The following CTNNA3 variants were observed in gnomAD, a reference collection of about 807,000 sequenced individuals.
The protein encoded by CTNNA3 is catenin alpha 3.
In CTNNA3, 76 loss-of-function variants were observed where a neutral mutation model predicts 95.7. That is an observed-to-expected ratio of 0.79 (90% CI 0.66 to 0.96). CTNNA3 has a LOEUF of 0.96. Ranked by LOEUF, CTNNA3 falls within the 40% of genes least tolerant of loss-of-function variation. The pLI, the probability that CTNNA3 is intolerant of heterozygous loss-of-function variation, is 0.00. For missense variants in CTNNA3, 1,191 were observed against 1,089.8 expected, an observed-to-expected ratio of 1.09 and a Z score of -1.31; for synonymous variants, 431 against 374.4, an observed-to-expected ratio of 1.15 and a Z score of -1.74.
chr10:67,243,456 T>G (rs1046311660), intron 5 of CTNNA3, among the ~76,000 whole-genome samples: 6 of 152,188 alleles, frequency 3.9e-5, no homozygotes, highest in South Asian at 2.1e-4. Context: ...AAGACAGAAC[T>G]TTTTGACCAA....
chr10:67,698,458 T>A (rs948580732), upstream of CTNNA3, among the ~76,000 whole-genome samples: 1 of 152,160 alleles, frequency 6.6e-6, no homozygotes, highest in Non-Finnish European at 1.5e-5. Context: ...AAAAAGAAGA[T>A]AATTCTATCC....
chr10:66,850,047 C>T (rs1843427919), intron 7 of CTNNA3, among the ~76,000 whole-genome samples: 2 of 152,124 alleles, frequency 1.3e-5, no homozygotes, highest in Admixed American at 6.6e-5. Flanking sequence ...AAAATTTACA[C>T]ATGATCCGCA....
chr10:67,516,015 T>A (rs912873703), intron 5 of CTNNA3, among the ~76,000 whole-genome samples: 1 of 152,250 alleles, frequency 6.6e-6, no homozygotes, highest in Middle Eastern at 3.4e-3. Flanking sequence ...CAGGCTGGAG[T>A]GCAATGGCAT....
chr10:66,404,898 C>T (rs542498023), intron 11 of CTNNA3, among the ~76,000 whole-genome samples: 73 of 152,066 alleles, frequency 4.8e-4, no homozygotes, highest in Middle Eastern at 3.4e-3. Context: ...GCTTTAGATC[C>T]ATGAAAAATG....
At chr10:66,445,597 C>T (rs2093414239) in intron 11 of CTNNA3, among the ~76,000 whole-genome samples, 1 of 152,012 alleles carries the variant, frequency 6.6e-6, no homozygotes, top group African/African-American at 2.4e-5. Flanking sequence ...AAAATGAAGG[C>T]AGAAATAAAG....
intron 13 of CTNNA3, among the ~76,000 whole-genome samples, chr10:66,175,246 G>A (rs528212432): frequency 1.4e-3 from 207 of 152,094 alleles, no homozygotes; most frequent in Non-Finnish European, 2.5e-3. Flanking sequence ...TCATATCCAT[G>A]CTCCTTCTAG....
intron 11 of CTNNA3, among the ~76,000 whole-genome samples, chr10:66,506,370 A>G (rs574750080): frequency 5.1e-4 from 78 of 152,256 alleles, no homozygotes; most frequent in African/African-American, 1.8e-3. Context: ...GCTCAGTACC[A>G]ATCCTGATGT....
chr10:66,776,411 C>T (rs1023672961), intron 7 of CTNNA3, among the ~76,000 whole-genome samples: 19 of 152,094 alleles, frequency 1.2e-4, no homozygotes, highest in Non-Finnish European at 2.4e-4. Flanking sequence ...GGTTACAGCA[C>T]GAACTCAATG....
chr10:66,445,408 A>T lies in CTNNA3; in HGVS notation c.1532-66056T>A, dbSNP rs532686189. 1.2e-3 allele frequency among the ~76,000 whole-genome samples: 180 copies of T among 152,204 alleles called. 2 individuals are homozygous for T. The South Asian group carries it at 0.013, about 11-fold the overall frequency. ...CCACACCACACCTATTCCAAAATTG[A>T]CCACATAGTTGGAAGTAAAGCACTC... On this transcript the variant is annotated intron_variant, in intron 11 of 17. Transcript: ENST00000433211.
intron 11 of CTNNA3, among the ~76,000 whole-genome samples, chr10:66,409,263 G>A (rs1280737544): frequency 6.6e-6 from 1 of 152,108 alleles, no homozygotes; most frequent in East Asian, 1.9e-4. Flanking sequence ...TGGTCAAAGA[G>A]AAATTTTGGG....
chr10:66,515,283 ATCT>A (rs1840803951), intron 11 of CTNNA3, among the ~76,000 whole-genome samples: 1 of 150,574 alleles, frequency 6.6e-6, no homozygotes, highest in Admixed American at 6.6e-5. Context: ...CTATCTATCT[ATCT>A]ATCTATCTAT....
chr10:67,607,694 C>CA (rs1843326116), intron 2 of CTNNA3, among the ~76,000 whole-genome samples: 1 of 152,280 alleles, frequency 6.6e-6, no homozygotes, highest in East Asian at 1.9e-4. Context: ...GGTACACCTA[C>CA]AAAAGTCAAG....
At chr10:66,113,066 T>A (rs61700951) in intron 13 of CTNNA3, among the ~76,000 whole-genome samples, 2,046 of 152,280 alleles carry the variant, frequency 0.013, 46 homozygotes, top group African/African-American at 0.047. Flanking sequence ...AAAGCAGTTG[T>A]ACCATTCTAC....
At chr10:66,252,523 C>T (rs2090599847) in intron 13 of CTNNA3, among the ~76,000 whole-genome samples, 1 of 152,108 alleles carries the variant, frequency 6.6e-6, no homozygotes, top group Non-Finnish European at 1.5e-5. Flanking sequence ...TCCTTTGGAC[C>T]TTAAATTCTA....
intron 5 of CTNNA3, among the ~76,000 whole-genome samples, chr10:67,237,173 T>TATATATATATAC (rs1554810783): frequency 1.8e-5 from 2 of 112,832 alleles, no homozygotes; most frequent in African/African-American, 3.4e-5. Flanking sequence ...TATATATATA[T>TATATATATATAC]ACACACACAA....
chr10:66,962,705 C>T (rs71496024), intron 7 of CTNNA3, among the ~76,000 whole-genome samples: 4 of 152,180 alleles, frequency 2.6e-5, no homozygotes, highest in African/African-American at 7.2e-5. Context: ...GCCACCGTGC[C>T]TGGCCCACCT....
intron 7 of CTNNA3, among the ~76,000 whole-genome samples, chr10:66,981,967 C>T (rs1042329191): frequency 4.6e-5 from 7 of 152,114 alleles, no homozygotes; most frequent in Non-Finnish European, 8.8e-5. Context: ...AGCTGTCTGT[C>T]GATTTTTCTA....
At chr10:67,709,941 T>G (rs1841097616) in intron 1 of CTNNA3, among the ~76,000 whole-genome samples, 1 of 152,186 alleles carries the variant, frequency 6.6e-6, no homozygotes, top group Admixed American at 6.5e-5. Context: ...CACTTGTTAA[T>G]AGTTTTCTTT....
At chr10:67,313,453 A>AATC (rs1451178271) in intron 5 of CTNNA3, among the ~76,000 whole-genome samples, 1 of 151,778 alleles carries the variant, frequency 6.6e-6, no homozygotes, top group African/African-American at 2.4e-5. Flanking sequence ...AAATAATAAT[A>AATC]ATAATAAAAT....
Sources: allele counts gnomAD v4.1 joint callset (sites outside exome capture counted in the v4.1 genomes callset), GRCh38; gene constraint gnomAD v4.1.1; transcripts MANE v1.5; gene names NCBI Gene and HGNC (gene_info 2026-07-23, HGNC 2026-07-21).